IMMP2L: variants seen among roughly 807,000 people sequenced by gnomAD.
The protein encoded by IMMP2L is mitochondrial inner membrane protease subunit 2.
Under a neutral mutation model 19.3 loss-of-function variants are expected in IMMP2L, and 18 were observed. That is an observed-to-expected ratio of 0.93 (90% CI 0.64 to 1.38). IMMP2L has a LOEUF of 1.38. Ranked by LOEUF, IMMP2L falls within the 40% of genes most tolerant of loss-of-function variation. The probability of loss-of-function intolerance (pLI) is 0.00; values close to 1 mark genes in which losing one functional copy is unlikely to be tolerated. For synonymous variants in IMMP2L, 76 were observed against 73.0 expected (o/e 1.04, Z -0.21); for missense variants, 233 against 218.2 (o/e 1.07, Z -0.43).
At chr7:111,402,351 T>C (rs1248228332) in intron 3 of IMMP2L, among the ~76,000 whole-genome samples, 3 of 151,964 alleles carry the variant, frequency 2.0e-5, no homozygotes, top group Admixed American at 2.0e-4. Flanking sequence ...TATAATGAAA[T>C]GGAATCATCC....
intron 4 of IMMP2L, among the ~76,000 whole-genome samples, chr7:110,907,522 G>T (rs1025379275): frequency 6.8e-6 from 1 of 147,868 alleles, no homozygotes; most frequent in African/African-American, 2.6e-5. Flanking sequence ...CGGGCCATGG[G>T]TGGTTTTGGA....
intron 3 of IMMP2L, among the ~76,000 whole-genome samples, chr7:111,461,351 C>T (rs1840119807): frequency 6.6e-6 from 1 of 151,754 alleles, no homozygotes; most frequent in African/African-American, 2.4e-5. Flanking sequence ...CAAAATAAAA[C>T]ATTCAAACAA....
At chr7:111,128,485 T>C (rs891852071) in intron 3 of IMMP2L, among the ~76,000 whole-genome samples, 3 of 152,194 alleles carry the variant, frequency 2.0e-5, no homozygotes, top group Admixed American at 6.5e-5. Context: ...TTATTCACTA[T>C]ATCTGCAGAA....
rs1048935338 is a variant in IMMP2L at position 110,803,244 on chromosome 7, T to C, written c.408+83349A>G. ...GGAGCTGTGTAGGGGATGGTGAGGA[T>C]CAGATAGACCAAAGAAGAGAGGGTT... On this transcript the variant is annotated intron_variant, in intron 5 of 5. Transcript: ENST00000405709. The surrounding 1 kb of genome is among the most constrained non-coding windows in gnomAD (Gnocchi z 4.2). Among the ~76,000 whole-genome samples the C allele has an allele frequency of 2.6e-5, 4 of 151,846 alleles. No individual in the cohort carries two copies. The highest frequency in any genetic ancestry group is 9.7e-5 in the African/African-American group (4 of 41,346).
At chr7:111,424,830 A>C (rs1470481593) in intron 3 of IMMP2L, among the ~76,000 whole-genome samples, 4 of 151,848 alleles carry the variant, frequency 2.6e-5, no homozygotes, top group African/African-American at 9.7e-5. Context: ...CTTTTGTAAA[A>C]TATGTGGTTA....
intron 3 of IMMP2L, among the ~76,000 whole-genome samples, chr7:111,484,811 C>T (rs969270537): frequency 6.6e-6 from 1 of 152,050 alleles, no homozygotes; most frequent in African/African-American, 2.4e-5. Context: ...TTTTATTAGG[C>T]AGGGTCTCAC....
chr7:111,241,042 CCTT>C (rs1320613754), intron 3 of IMMP2L, among the ~76,000 whole-genome samples: 2 of 151,924 alleles, frequency 1.3e-5, no homozygotes, highest in East Asian at 3.9e-4. Flanking sequence ...ATGGCCGTAT[CCTT>C]CTCGGAAAAC....
At chr7:111,138,813 T>C (rs967553863) in intron 3 of IMMP2L, among the ~76,000 whole-genome samples, 5 of 152,184 alleles carry the variant, frequency 3.3e-5, no homozygotes, top group Non-Finnish European at 1.5e-5. Flanking sequence ...CAGACATTAT[T>C]TGGTCACTTG....
At chr7:111,162,717 A>G (rs1434715477) in intron 3 of IMMP2L, among the ~76,000 whole-genome samples, 5 of 151,860 alleles carry the variant, frequency 3.3e-5, no homozygotes, top group Admixed American at 3.3e-4. Context: ...GCTCTTGCCA[A>G]TGACTTTCTC....
chr7:110,838,338 C>T (rs1355762061), intron 5 of IMMP2L, among the ~76,000 whole-genome samples: 2 of 152,038 alleles, frequency 1.3e-5, no homozygotes, highest in Non-Finnish European at 2.9e-5. Flanking sequence ...AATGGTTTGT[C>T]CTTTGCGTTT....
rs1028616622 is a variant in IMMP2L at position 111,308,065 on chromosome 7, T to C, written c.239+179173A>G. Among the ~76,000 whole-genome samples the C allele has an allele frequency of 1.2e-3, 186 of 152,048 alleles. 1 individual carries two copies. Among genetic ancestry groups the C allele is most frequent in the Non-Finnish European group, 2.3e-3 (158 of 67,860 alleles). Reference sequence around the variant, plus strand: ...TCAACTCAGTCTCTTAACTTACAACTATGCTTGTGCGTATCTGTCCAAATT... The same window carrying C: ...TCAACTCAGTCTCTTAACTTACAACCATGCTTGTGCGTATCTGTCCAAATT... On this transcript the variant is annotated intron_variant, in intron 3 of 5. Coordinates refer to ENST00000405709, the MANE Select transcript of IMMP2L (RefSeq NM_032549.4).
intron 3 of IMMP2L, among the ~76,000 whole-genome samples, chr7:111,299,613 A>T (rs548482641): frequency 6.6e-6 from 1 of 152,202 alleles, no homozygotes; most frequent in South Asian, 2.1e-4. Flanking sequence ...TATCTACTTA[A>T]AAAGGACACA....
At chr7:111,286,704 C>T (rs1242068218) in intron 3 of IMMP2L, among the ~76,000 whole-genome samples, 1 of 151,990 alleles carries the variant, frequency 6.6e-6, no homozygotes, top group Admixed American at 6.6e-5. Context: ...AGATTAACAA[C>T]CAGGTTTGCA....
At chr7:111,316,477 G>T (rs999266067) in intron 3 of IMMP2L, among the ~76,000 whole-genome samples, 1 of 152,036 alleles carries the variant, frequency 6.6e-6, no homozygotes, top group Non-Finnish European at 1.5e-5. Flanking sequence ...AGGGAGAAAA[G>T]AAAAATTATT....
chr7:111,008,372 C>A (rs1824532931), intron 3 of IMMP2L, among the ~76,000 whole-genome samples: 1 of 152,056 alleles, frequency 6.6e-6, no homozygotes, highest in African/African-American at 2.4e-5. Flanking sequence ...GGACTCTGTA[C>A]TAAGATTGCT....
chr7:111,111,674 T>G (rs577631850), intron 3 of IMMP2L, among the ~76,000 whole-genome samples: 1 of 151,830 alleles, frequency 6.6e-6, no homozygotes, highest in African/African-American at 2.4e-5. Flanking sequence ...CCTGCGTCAA[T>G]AGTAATTTTA....
rs1171841521 is a variant in IMMP2L at position 111,520,915 on chromosome 7, C to CAT, written c.135+396_135+397dup. Among the ~76,000 whole-genome samples, 10 of 152,230 alleles carry CAT rather than the reference C, an allele frequency of 6.6e-5. No individual in the cohort carries two copies. In the East Asian group the frequency reaches 1.9e-3, roughly 29 times the overall value. On this transcript the variant is annotated intron_variant, in intron 2 of 5. Coordinates refer to ENST00000405709, the MANE Select transcript of IMMP2L (RefSeq NM_032549.4). ...TCTAGACATTTCTACAAACTGAAATCATATACCTATATAACAAGAGAGCAA... is the reference window on the plus strand; with the variant it reads ...TCTAGACATTTCTACAAACTGAAATCATATATACCTATATAACAAGAGAGCAA...
In IMMP2L at chr7:111,412,410, C is replaced by T. The variant is rs577153742; in HGVS notation, c.239+74828G>A. 5.3e-5 allele frequency among the ~76,000 whole-genome samples: 8 copies of T among 151,630 alleles called. No individual in the cohort carries two copies. The South Asian group carries it at 1.7e-3, about 32-fold the overall frequency. The stretch of plus-strand genomic sequence containing the variant: ...TAACTAAAATAGGGCATATTCCAGG[C>T]CTTAAAAAAATGGATTGAAATCACT... On this transcript the variant is annotated intron_variant, in intron 3 of 5. Transcript: ENST00000405709.
chr7:110,978,996 T>C (rs1820977394), intron 3 of IMMP2L, among the ~76,000 whole-genome samples: 3 of 152,050 alleles, frequency 2.0e-5, no homozygotes, highest in Non-Finnish European at 4.4e-5. Context: ...ATATTATTTA[T>C]GGGATGGACT....
Sources: allele counts gnomAD v4.1 joint callset (sites outside exome capture counted in the v4.1 genomes callset), GRCh38; gene constraint gnomAD v4.1.1; non-coding constraint Gnocchi (gnomAD v3.1); transcripts MANE v1.5; gene names NCBI Gene and HGNC (gene_info 2026-07-23, HGNC 2026-07-21).